Variants in KCNJ1 observed in about 807,000 individuals in gnomAD.
KCNJ1 encodes the protein potassium inwardly rectifying channel subfamily J member 1, also known as ATP-sensitive inward rectifier potassium channel 1.
KCNJ1 carries 24 observed loss-of-function variants against 21.9 expected under a neutral mutation model. The ratio of observed to expected loss-of-function variants is 1.10; its 90% CI spans 0.79 to 1.54. The LOEUF is 1.54. KCNJ1 is among the 40% of genes most tolerant of loss of function. The pLI, the probability that KCNJ1 is intolerant of heterozygous loss-of-function variation, is 0.00. For synonymous variants in KCNJ1, 152 were observed against 160.9 expected (o/e 0.94, Z 0.42); for missense variants, 457 against 455.4 (o/e 1.00, Z -0.03).
At position 128,839,205 on chromosome 11, in the gene KCNJ1, T is replaced by C. The variant is rs1240029959; in HGVS notation, c.1039A>G (p.Arg347Gly). 2 of 1,614,218 alleles carry C rather than the reference T, an allele frequency of 1.2e-6. No individual in the cohort carries two copies. The highest frequency in any genetic ancestry group is 4.5e-5 in the East Asian group (2 of 44,888). ...AMCLYNEKDV[R>G]ARMKRGYDNP... ...TCATAGCCTCTCTTCATCCTGGCTC[T>C]AACATCTTTCTCATTATAAAGGCAC... Residue 347 changes from arginine (R) to glycine (G), a missense_variant, in exon 3 of 3, where the codon AGA (arginine) becomes GGA (glycine). Coordinates refer to ENST00000392666, the MANE Select transcript of KCNJ1 (RefSeq NM_153766.3).
At chr11:128,860,839 G>A (rs1316897702) in intron 1 of KCNJ1, among the ~76,000 whole-genome samples, 3 of 152,182 alleles carry the variant, frequency 2.0e-5, no homozygotes, top group Non-Finnish European at 4.4e-5. Flanking sequence ...TATGTGACAG[G>A]GGCACGCCCA....
intron 2 of KCNJ1, among the ~76,000 whole-genome samples, chr11:128,848,312 T>C (rs77848621): frequency 2.8e-5 from 3 of 107,530 alleles, no homozygotes; most frequent in Non-Finnish European, 6.4e-5. Flanking sequence ...AAAAAAAAAG[T>C]ACCTGAGACC....
At chr11:128,851,845 A>T (rs1392354960) in intron 1 of KCNJ1, among the ~76,000 whole-genome samples, 1 of 152,232 alleles carries the variant, frequency 6.6e-6, no homozygotes, top group East Asian at 1.9e-4. Flanking sequence ...ACTAGTATTC[A>T]TTATGTTGCA....
Position 128,840,114 on chromosome 11 carries a change from T to C in KCNJ1, c.130A>G (p.Ile44Val), listed in dbSNP as rs772660487. ...GTTGTCCAGATGTCCACAAAGAATA[T>C]AAACCTTGACTGTGCCTCCACATTG... is the stretch of plus-strand genomic sequence containing the variant. ...FGNVEAQSRF[I>V]FFVDIWTTVL... The change falls in exon 3 of 3, where the codon ATA becomes GTA. Residue 44 changes from isoleucine to valine, a missense_variant. Coordinates refer to ENST00000392666, the MANE Select transcript of KCNJ1 (RefSeq NM_153766.3). 8 of 1,614,180 alleles carry C rather than the reference T, an allele frequency of 5.0e-6. No homozygotes were observed. The highest frequency in any genetic ancestry group is 6.8e-6 in the Non-Finnish European group (8 of 1,180,036).
chr11:128,839,190 T>C lies in KCNJ1; in HGVS notation c.1054A>G (p.Arg352Gly). The C allele has an allele frequency of 6.2e-7, 1 of 1,614,210 alleles. No individual in the cohort carries two copies. Among genetic ancestry groups the C allele is most frequent in the Non-Finnish European group, 8.5e-7 (1 of 1,180,010 alleles). Reference sequence around the variant, plus strand: ...ATGAAGTTGGGGTTGTCATAGCCTCTCTTCATCCTGGCTCTAACATCTTTC... The same window carrying C: ...ATGAAGTTGGGGTTGTCATAGCCTCCCTTCATCCTGGCTCTAACATCTTTC... ...NEKDVRARMK[R>G]GYDNPNFILS... The change falls in exon 3 of 3, where the codon AGA becomes GGA. Residue 352 changes from arginine (R) to glycine (G), a missense_variant. Physicochemically the swap from Arg to Gly is moderately radical, Grantham distance 125 (BLOSUM62 -2). Transcript: ENST00000392666.
rs563887456 is a variant in KCNJ1 at position 128,842,504 on chromosome 11, C to G, written c.-21-2240G>C. 8.1e-6 allele frequency: 13 copies of G among 1,607,386 alleles called. No individual in the cohort carries two copies. In the African/African-American group the frequency reaches 1.3e-4, roughly 17 times the overall value. The stretch of plus-strand genomic sequence containing the variant: ...TAGACTCAGCCTAATTTATTGTAGG[C>G]GACAGTCAGTGGACTGACGCTAATT... On this transcript the variant is annotated intron_variant, in intron 2 of 2. Coordinates refer to ENST00000392666, the MANE Select transcript of KCNJ1 (RefSeq NM_153766.3).
At chr11:128,867,092 G>A (rs1943832236) in intron 1 of KCNJ1, 81 bp downstream of exon 1, 1 of 152,154 alleles carries the variant, frequency 6.6e-6, no homozygotes, top group African/African-American at 2.4e-5. Flanking sequence ...CTAGATTTGA[G>A]GCGGGGAAAA....
intron 2 of KCNJ1, among the ~76,000 whole-genome samples, chr11:128,843,595 T>C (rs958559849): frequency 3.9e-5 from 6 of 151,978 alleles, no homozygotes; most frequent in Non-Finnish European, 8.8e-5. Flanking sequence ...TCTCAAGGAG[T>C]TCATAGTCTA....
intron 2 of KCNJ1, among the ~76,000 whole-genome samples, chr11:128,846,634 C>A (rs1367377989): frequency 2.0e-5 from 3 of 152,128 alleles, no homozygotes; most frequent in Non-Finnish European, 4.4e-5. Context: ...ATAATCAGGG[C>A]AAAAGACTTG....
intron 1 of KCNJ1, among the ~76,000 whole-genome samples, chr11:128,855,576 G>C (rs1943573206): frequency 6.6e-6 from 1 of 152,216 alleles, no homozygotes; most frequent in African/African-American, 2.4e-5. Flanking sequence ...TGAGGGGATA[G>C]GCTATAAGGC....
chr11:128,838,266 C>T lies in KCNJ1; in HGVS notation c.*859G>A, dbSNP rs1943203445. On this transcript the variant is annotated 3_prime_UTR_variant, in exon 3 of 3. Coordinates refer to ENST00000392666, the MANE Select transcript of KCNJ1 (RefSeq NM_153766.3). ...CTGACTGTGGGGCTCCATCCCATTC[C>T]TCTCTCTTTCCCACTTCTTCTTTAG... The T allele has an allele frequency of 6.6e-6, 1 of 152,590 alleles. No individual in the cohort carries two copies. The highest frequency in any genetic ancestry group is 2.4e-5 in the African/African-American group (1 of 41,416). The allele number at this position is 152,590 out of a possible 1,614,324, so 9.5% of individuals were successfully genotyped here.
At chr11:128,856,081 C>G (rs1001003404) in intron 1 of KCNJ1, among the ~76,000 whole-genome samples, 1 of 151,402 alleles carries the variant, frequency 6.6e-6, no homozygotes, top group African/African-American at 2.5e-5. Flanking sequence ...AACTTCCGGG[C>G]GGGAAAAGAC....
At chr11:128,863,027 C>T (rs992696000) in intron 1 of KCNJ1, among the ~76,000 whole-genome samples, 2 of 152,206 alleles carry the variant, frequency 1.3e-5, no homozygotes, top group African/African-American at 4.8e-5. Context: ...AATGGTAGAT[C>T]TGGATAAAGC....
In KCNJ1 at chr11:128,842,284, T is replaced by C; in HGVS notation, c.-21-2020A>G. The C allele has an allele frequency of 4.6e-6, 6 of 1,305,484 alleles. No individual in the cohort carries two copies. The South Asian group carries it at 7.3e-5, about 16-fold the overall frequency. The allele number at this position is 1,305,484 out of a possible 1,614,324, so 80.9% of individuals were successfully genotyped here. A position where few individuals can be genotyped will look rare whatever the true frequency, so the allele number is the denominator to read the frequency against. On this transcript the variant is annotated intron_variant, in intron 2 of 2. Transcript: ENST00000392666. ...GTAGAGTGAAGAAGTACCCCCTGAT[T>C]GATCACTTGAATAACGTTGAGTTTC...
intron 2 of KCNJ1, chr11:128,842,311 A>T (rs370822433): frequency 6.5e-7 from 1 of 1,531,652 alleles, no homozygotes; most frequent in South Asian, 1.1e-5. Flanking sequence ...TTGAGTTTCC[A>T]TGACTGCATT....
At chr11:128,851,222 G>C (rs1943473435) in intron 1 of KCNJ1, among the ~76,000 whole-genome samples, 1 of 152,152 alleles carries the variant, frequency 6.6e-6, no homozygotes, top group Non-Finnish European at 1.5e-5. Context: ...CCACTGCCTT[G>C]AAAATATCAT....
intron 1 of KCNJ1, among the ~76,000 whole-genome samples, chr11:128,860,500 G>A (rs1943685390): frequency 6.6e-6 from 1 of 152,192 alleles, no homozygotes; most frequent in Non-Finnish European, 1.5e-5. Flanking sequence ...GTGACTTAAG[G>A]AACTCAGGAA....
At chr11:128,840,339 A>G (rs1289799437) in intron 2 of KCNJ1, 75 bp from the exon 3 acceptor site, 1 of 1,379,884 alleles carries the variant, frequency 7.2e-7, no homozygotes, top group Non-Finnish European at 1.0e-6. Flanking sequence ...CACATGAAAG[A>G]CCTAACTACG....
At position 128,840,163 on chromosome 11, in the gene KCNJ1, A is replaced by G. The variant is rs779954811; in HGVS notation, c.81T>C (p.Asp27=). The G allele has an allele frequency of 1.3e-5, 21 of 1,614,204 alleles. No homozygotes were observed. In the South Asian group the frequency reaches 2.0e-4, roughly 15 times the overall value. Residue 27 remains aspartate (D), a synonymous_variant, in exon 3 of 3, where the codon GAT becomes GAC. Coordinates refer to ENST00000392666, the MANE Select transcript of KCNJ1 (RefSeq NM_153766.3). The part of the protein sequence containing the change: ...SRQRARLVSK[D]GRCNIEFGNV... ...TGCCAAATTCTATGTTGCACCTTCC[A>G]TCTTTGGAGACTAGCCTTGCTCTTT...
Sources: gnomAD v4.1 joint callset for allele counts (sites outside exome capture counted in the v4.1 genomes callset) on GRCh38, gnomAD v4.1.1 for gene constraint, MANE v1.5 for transcripts, NCBI Gene and HGNC (gene_info 2026-07-23, HGNC 2026-07-21) for gene names.